SGCZ: variants seen among roughly 807,000 people sequenced by gnomAD.
SGCZ encodes the protein zeta-sarcoglycan.
Under a neutral mutation model 41.3 loss-of-function variants are expected in SGCZ, and 40 were observed. The ratio of observed to expected loss-of-function variants is 0.97; its 90% CI spans 0.75 to 1.26. The LOEUF is 1.26. SGCZ is among the 50% of genes most tolerant of loss of function. The probability of loss-of-function intolerance (pLI) is 0.00; values close to 1 mark genes in which losing one functional copy is unlikely to be tolerated. For missense variants in SGCZ, 552 were observed against 369.8 expected (o/e 1.49, Z -4.04); for synonymous variants, 206 against 137.5 (o/e 1.50, Z -3.49).
chr8:14,409,211 C>A (rs1799294648), intron 2 of SGCZ, among the ~76,000 whole-genome samples: 1 of 152,016 alleles, frequency 6.6e-6, no homozygotes, highest in African/African-American at 2.4e-5. Context: ...TTTACTTATA[C>A]TAGAAAATTA....
chr8:14,617,512 A>G (rs1312483025), intron 1 of SGCZ, among the ~76,000 whole-genome samples: 1 of 152,124 alleles, frequency 6.6e-6, no homozygotes, highest in Non-Finnish European at 1.5e-5. Context: ...AAATGTTGAG[A>G]TTTATAATGC....
At chr8:14,377,676 C>T (rs953449739) in intron 2 of SGCZ, among the ~76,000 whole-genome samples, 20 of 151,854 alleles carry the variant, frequency 1.3e-4, no homozygotes, top group African/African-American at 4.1e-4. Flanking sequence ...CTATCCCTCC[C>T]CACTCCCCCC....
chr8:14,479,444 C>G (rs1319564759), intron 2 of SGCZ, among the ~76,000 whole-genome samples: 5 of 152,110 alleles, frequency 3.3e-5, no homozygotes. Context: ...TTTGGGTCTC[C>G]CAGTTCACTG....
At chr8:14,564,729 T>A (rs1212394424) in intron 1 of SGCZ, among the ~76,000 whole-genome samples, 1 of 152,138 alleles carries the variant, frequency 6.6e-6, no homozygotes, top group Non-Finnish European at 1.5e-5. Context: ...GGGTCCAAAT[T>A]ATGTGGTGTG....
chr8:14,426,308 C>G (rs1268269828), intron 2 of SGCZ, among the ~76,000 whole-genome samples: 4 of 151,920 alleles, frequency 2.6e-5, no homozygotes, highest in African/African-American at 9.7e-5. Context: ...GGAATAATTG[C>G]CAGAGTGAAG....
chr8:14,201,916 C>T (rs1805467810), intron 4 of SGCZ, among the ~76,000 whole-genome samples: 1 of 152,110 alleles, frequency 6.6e-6, no homozygotes, highest in African/African-American at 2.4e-5. Context: ...GGTGTACTAT[C>T]TTTGTAACTT....
chr8:14,231,487 G>C (rs544682310), intron 4 of SGCZ, among the ~76,000 whole-genome samples: 1 of 152,010 alleles, frequency 6.6e-6, no homozygotes, highest in South Asian at 2.1e-4. Flanking sequence ...GCAAACACAG[G>C]TCCAATTATG....
intron 1 of SGCZ, among the ~76,000 whole-genome samples, chr8:14,575,704 C>T (rs538457876): frequency 1.5e-4 from 23 of 151,836 alleles, no homozygotes; most frequent in Non-Finnish European, 2.8e-4. Context: ...GTCAGGAGTT[C>T]GAGATCAGCC....
At chr8:15,144,735 G>T (rs543566099) in intron 1 of SGCZ, among the ~76,000 whole-genome samples, 22 of 152,344 alleles carry the variant, frequency 1.4e-4, no homozygotes, top group Admixed American at 1.2e-3. Context: ...GGGGTTACAG[G>T]CATGAGCAAC....
At chr8:14,116,747 A>G (rs1034809427) in intron 5 of SGCZ, among the ~76,000 whole-genome samples, 1 of 152,034 alleles carries the variant, frequency 6.6e-6, no homozygotes, top group Non-Finnish European at 1.5e-5. Context: ...AGCTCCATTT[A>G]CTTTCATTTG....
At chr8:15,161,919 C>A (rs1244467338) in intron 1 of SGCZ, among the ~76,000 whole-genome samples, 1 of 152,064 alleles carries the variant, frequency 6.6e-6, no homozygotes, top group Non-Finnish European at 1.5e-5. Context: ...CCTGTAGTCC[C>A]AGCTACTTGG....
chr8:14,986,768 G>C (rs1160609321), intron 1 of SGCZ, among the ~76,000 whole-genome samples: 1 of 151,954 alleles, frequency 6.6e-6, no homozygotes, highest in African/African-American at 2.4e-5. Flanking sequence ...AGCTGGAGAA[G>C]CCTAAGGCAA....
intron 1 of SGCZ, among the ~76,000 whole-genome samples, chr8:14,712,478 ATTAGCCAGTAG>A (rs1390404600): frequency 1.3e-5 from 2 of 152,252 alleles, no homozygotes; most frequent in African/African-American, 4.8e-5. Flanking sequence ...CAGGACTGTC[ATTAGCCAGTAG>A]GGCAGTTATG....
At chr8:14,542,067 C>G (rs1277370622) in intron 2 of SGCZ, among the ~76,000 whole-genome samples, 1 of 151,992 alleles carries the variant, frequency 6.6e-6, no homozygotes, top group African/African-American at 2.4e-5. Context: ...AAAATTTTCT[C>G]CCATTCTGTA....
At chr8:14,165,944 G>C (rs1804195494) in intron 4 of SGCZ, among the ~76,000 whole-genome samples, 3 of 152,016 alleles carry the variant, frequency 2.0e-5, no homozygotes, top group Admixed American at 2.0e-4. Flanking sequence ...TAGCCAATAG[G>C]CTGCAAAAAC....
At chr8:14,251,815 A>G (rs1799297101) in intron 3 of SGCZ, among the ~76,000 whole-genome samples, 1 of 152,186 alleles carries the variant, frequency 6.6e-6, no homozygotes. Flanking sequence ...TCCCGGGTTC[A>G]AGTGGTTCTC....
intron 5 of SGCZ, among the ~76,000 whole-genome samples, chr8:14,122,294 AC>A (rs371046072): frequency 2.0e-5 from 3 of 151,990 alleles, no homozygotes; most frequent in African/African-American, 7.2e-5. Context: ...ACAAAACAAA[AC>A]AAAAGACTTT....
intron 2 of SGCZ, among the ~76,000 whole-genome samples, chr8:14,481,513 C>T (rs1585572950): frequency 6.6e-6 from 1 of 152,122 alleles, no homozygotes; most frequent in South Asian, 2.1e-4. Flanking sequence ...TTTGACCAAA[C>T]ATTTTGTGCA....
chr8:14,619,971 C>T (rs1165053036), intron 1 of SGCZ, among the ~76,000 whole-genome samples: 7 of 152,136 alleles, frequency 4.6e-5, no homozygotes, highest in Admixed American at 2.0e-4. Flanking sequence ...AAAAAGGGCC[C>T]GCATTGCCAA....
Sources: allele counts gnomAD v4.1 joint callset (sites outside exome capture counted in the v4.1 genomes callset), GRCh38; gene constraint gnomAD v4.1.1; transcripts MANE v1.5; gene names NCBI Gene and HGNC (gene_info 2026-07-23, HGNC 2026-07-21).